Variants in DCAF8 observed in about 807,000 individuals in gnomAD.
DCAF8 encodes the protein DDB1- and CUL4-associated factor 8.
In DCAF8, 20 loss-of-function variants were observed where a neutral mutation model predicts 68.0. The ratio of observed to expected loss-of-function variants is 0.29; its 90% confidence interval spans 0.21 to 0.43. The LOEUF (loss-of-function observed/expected upper bound fraction) is 0.43. Among genes scored for constraint, DCAF8 ranks in the 20% least tolerant of loss-of-function variants. DCAF8 has a pLI of 1.00. For missense variants in DCAF8, 460 were observed against 771.0 expected, an observed-to-expected ratio of 0.60 and a Z score of 4.78; for synonymous variants, 230 against 276.9, an observed-to-expected ratio of 0.83 and a Z score of 1.68.
chr1:160,239,225 C>T, intron 4 of DCAF8: 2 of 1,112,130 alleles, frequency 1.8e-6, no homozygotes, highest in South Asian at 3.1e-5. Flanking sequence ...TATAAGCTAA[C>T]ATTTATCAAA....
chr1:160,219,661 T>G (rs1655234453), intron 11 of DCAF8: 1 of 152,302 alleles, frequency 6.6e-6, no homozygotes, highest in South Asian at 2.1e-4. Context: ...AGCCTCAATC[T>G]CAGCCACCCT....
chr1:160,224,142 C>T (rs538926602), intron 10 of DCAF8, among the ~76,000 whole-genome samples: 1 of 152,328 alleles, frequency 6.6e-6, no homozygotes, highest in East Asian at 1.9e-4. Context: ...TTCCCTGACT[C>T]CCTAACAAGG....
intron 3 of DCAF8, among the ~76,000 whole-genome samples, chr1:160,242,959 GATGA>G (rs1457661899): frequency 2.0e-5 from 3 of 152,126 alleles, no homozygotes; most frequent in African/African-American, 4.8e-5. Context: ...CTTTACAAAA[GATGA>G]ATGAATGGCA....
In DCAF8 at chr1:160,218,459, G is replaced by T; in HGVS notation, c.1561-19C>A. Reference sequence around the variant, plus strand: ...TAATCACCTGGAACCCAAAAAGGTTGGGAAGAGGGGGCAGCAATGAAGAGG... The same window carrying T: ...TAATCACCTGGAACCCAAAAAGGTTTGGAAGAGGGGGCAGCAATGAAGAGG... On this transcript the variant is annotated intron_variant, in intron 12 of 13. Transcript: ENST00000368074. The T allele has an allele frequency of 6.3e-7, 1 of 1,591,018 alleles. No homozygotes were observed. Among genetic ancestry groups the T allele is most frequent in the Non-Finnish European group, 8.6e-7 (1 of 1,159,002 alleles).
At chr1:160,244,603 C>T (rs1163536428) in intron 2 of DCAF8, among the ~76,000 whole-genome samples, 1 of 151,714 alleles carries the variant, frequency 6.6e-6, no homozygotes, top group Non-Finnish European at 1.5e-5. Flanking sequence ...TAACTTCAAA[C>T]CTATTATTAT....
In DCAF8 at chr1:160,262,518, G is replaced by A. The variant is rs562038162; in HGVS notation, c.-170C>T. The A allele has an allele frequency of 1.3e-5, 5 of 399,280 alleles. No homozygotes were observed. The highest frequency in any genetic ancestry group is 1.3e-4 in the South Asian group (1 of 7,776). The allele number at this position is 399,280 out of a possible 1,614,324, so 24.7% of individuals were successfully genotyped here. On this transcript the variant is annotated 5_prime_UTR_variant, in exon 1 of 14. Transcript: ENST00000368074. Reference sequence around the variant, plus strand: ...TGCGCCTGCGCTGCCACGCTTTCCGGCCCCGTTTGCGACGATGTGCTCGAG... The same window carrying A: ...TGCGCCTGCGCTGCCACGCTTTCCGACCCCGTTTGCGACGATGTGCTCGAG...
In DCAF8 at chr1:160,229,433, C is replaced by G. The variant is rs529894027; in HGVS notation, c.1070+1864G>C. Among the ~76,000 whole-genome samples, 169 of 152,320 alleles carry G rather than the reference C, an allele frequency of 1.1e-3. 1 individual carries two copies. Among genetic ancestry groups the G allele is most frequent in the African/African-American group, 3.8e-3 (160 of 41,568 alleles). ...TAAAACTCTAAGCCTTACTCTAACC[C>G]TGGGAAAGTATCAGCTTTGGGTTAA... On this transcript the variant is annotated intron_variant, in intron 7 of 13. Coordinates refer to ENST00000368074, the MANE Select transcript of DCAF8 (RefSeq NM_015726.4).
chr1:160,240,380 A>C lies in DCAF8; in HGVS notation c.50-10T>G. On this transcript the variant is annotated splice_polypyrimidine_tract_variant and intron_variant, in intron 3 of 13. Transcript: ENST00000368074. ...CTGCTAGACAGGCTTCCTGCATGTTAGTGAGGAAGGAGTAGAGGAGAGGGA... is the reference window on the plus strand; with the variant it reads ...CTGCTAGACAGGCTTCCTGCATGTTCGTGAGGAAGGAGTAGAGGAGAGGGA... The C allele has an allele frequency of 6.2e-7, 1 of 1,600,652 alleles. No homozygotes were observed. Among genetic ancestry groups the C allele is most frequent in the Non-Finnish European group, 8.5e-7 (1 of 1,172,486 alleles).
intron 3 of DCAF8, among the ~76,000 whole-genome samples, chr1:160,243,143 A>T (rs1379539789): frequency 6.6e-6 from 1 of 152,156 alleles, no homozygotes; most frequent in Non-Finnish European, 1.5e-5. Context: ...CTCTAATTTA[A>T]AAGTTGGCTC....
chr1:160,242,318 T>C (rs1277364746), intron 3 of DCAF8, among the ~76,000 whole-genome samples: 2 of 151,220 alleles, frequency 1.3e-5, no homozygotes, highest in Admixed American at 6.6e-5. Context: ...GAAAAAGTTA[T>C]GAAGTACAGA....
At chr1:160,256,916 T>G (rs1459278589) in intron 2 of DCAF8, among the ~76,000 whole-genome samples, 1 of 152,124 alleles carries the variant, frequency 6.6e-6, no homozygotes, top group African/African-American at 2.4e-5. Flanking sequence ...AAAAAACTGC[T>G]GCAAAGAAGT....
At chr1:160,258,679 G>A (rs1179971472) in intron 2 of DCAF8, among the ~76,000 whole-genome samples, 1 of 151,852 alleles carries the variant, frequency 6.6e-6, no homozygotes, top group Non-Finnish European at 1.5e-5. Context: ...CAGCTACTCA[G>A]CTGAGGTGGG....
chr1:160,259,555 A>AAAC (rs1656982291), intron 2 of DCAF8, among the ~76,000 whole-genome samples: 2 of 150,882 alleles, frequency 1.3e-5, no homozygotes, highest in South Asian at 2.1e-4. Context: ...AACAAAAAAA[A>AAAC]CCTCTTCATT....
intron 13 of DCAF8, chr1:160,217,973 G>C: frequency 1.9e-6 from 1 of 514,152 alleles, no homozygotes; most frequent in Non-Finnish European, 3.4e-6. Context: ...ACCAGCAGCA[G>C]GCCAACTGCC....
At chr1:160,233,588 A>G (rs978693770) in intron 6 of DCAF8, among the ~76,000 whole-genome samples, 5 of 152,172 alleles carry the variant, frequency 3.3e-5, no homozygotes, top group African/African-American at 1.2e-4. Flanking sequence ...GAAAGAGAGG[A>G]GGAGCTGATG....
chr1:160,238,903 T>C (rs1655984913), intron 4 of DCAF8, 156 bp from the exon 5 acceptor site: 2 of 887,474 alleles, frequency 2.3e-6, no homozygotes, highest in Admixed American at 3.5e-5. Flanking sequence ...CTAAGCCCAA[T>C]TTCTTCCAGG....
intron 6 of DCAF8, among the ~76,000 whole-genome samples, chr1:160,236,285 C>T (rs983841507): frequency 3.5e-5 from 5 of 144,418 alleles, no homozygotes; most frequent in South Asian, 2.2e-4. Flanking sequence ...CATACATACA[C>T]GTACGTATAT....
Position 160,238,600 on chromosome 1 carries a change from T to C in DCAF8, c.864+7A>G. ...TTGCACAAATTTTGGAGCAAGGTCT[T>C]ACTTACCTTGTGGGACGCTCCCTTG... On this transcript the variant is annotated splice_region_variant and intron_variant, in intron 5 of 13. Coordinates refer to ENST00000368074, the MANE Select transcript of DCAF8 (RefSeq NM_015726.4). The C allele has an allele frequency of 6.3e-7, 1 of 1,596,414 alleles. No individual in the cohort carries two copies. Among genetic ancestry groups the C allele is most frequent in the Non-Finnish European group, 8.5e-7 (1 of 1,171,766 alleles).
chr1:160,231,443 C>T (rs745547104), intron 6 of DCAF8, 36 bp from the exon 7 acceptor site: 39 of 1,488,994 alleles, frequency 2.6e-5, no homozygotes, highest in Non-Finnish European at 3.6e-5. Context: ...GTTATATACT[C>T]CAAAAGATCC....
Sources: gnomAD v4.1 joint callset for allele counts (sites outside exome capture counted in the v4.1 genomes callset) on GRCh38, gnomAD v4.1.1 for gene constraint, MANE v1.5 for transcripts, NCBI Gene and HGNC (gene_info 2026-07-23, HGNC 2026-07-21) for gene names.